The following FAM184B variants were observed in gnomAD, a reference collection of about 807,000 sequenced individuals.
FAM184B encodes the protein family with sequence similarity 184 member B, also known as protein FAM184B.
FAM184B carries 111 observed loss-of-function variants against 135.9 expected under a neutral mutation model. The ratio of observed to expected loss-of-function variants is 0.82; its 90% CI spans 0.70 to 0.96. The LOEUF (loss-of-function observed/expected upper bound fraction) is 0.96, where lower values mean the gene tolerates loss of function less well. Among genes scored for constraint, FAM184B ranks in the 40% least tolerant of loss-of-function variants. The pLI is 0.00. For missense variants in FAM184B, 1,375 were observed against 1,323.9 expected (o/e 1.04, Z -0.60); for synonymous variants, 552 against 524.8 (o/e 1.05, Z -0.71).
chr4:17,657,758 G>T (rs953622508), intron 10 of FAM184B, among the ~76,000 whole-genome samples: 1 of 147,674 alleles, frequency 6.8e-6, no homozygotes, highest in Non-Finnish European at 1.5e-5. Flanking sequence ...CCAGGTTCAA[G>T]CAATTTTCCT....
At chr4:17,711,349 G>A (rs1048545118) in intron 1 of FAM184B, among the ~76,000 whole-genome samples, 1 of 151,964 alleles carries the variant, frequency 6.6e-6, no homozygotes, top group Non-Finnish European at 1.5e-5. Flanking sequence ...CGTGGGGTGG[G>A]TGCCTGTACT....
At chr4:17,669,563 A>C (rs910545147) in intron 7 of FAM184B, among the ~76,000 whole-genome samples, 2 of 152,236 alleles carry the variant, frequency 1.3e-5, no homozygotes, top group African/African-American at 4.8e-5. Context: ...TTGGCAAAAC[A>C]ATTCTAATAA....
intron 1 of FAM184B, among the ~76,000 whole-genome samples, chr4:17,714,111 T>G (rs933776518): frequency 6.6e-6 from 1 of 152,270 alleles, no homozygotes; most frequent in East Asian, 1.9e-4. Context: ...CAGCACTTGG[T>G]ATACAGTTGA....
intron 11 of FAM184B, among the ~76,000 whole-genome samples, chr4:17,652,151 G>A (rs1715638243): frequency 3.8e-5 from 1 of 26,070 alleles, no homozygotes; most frequent in Non-Finnish European, 8.0e-5. Context: ...TTTTTTTTGA[G>A]TCTTGCACTG....
At chr4:17,634,365 C>G (rs1715060622) in intron 16 of FAM184B, among the ~76,000 whole-genome samples, 1 of 152,072 alleles carries the variant, frequency 6.6e-6, no homozygotes, top group Admixed American at 6.6e-5. Flanking sequence ...GCTCTGTCAC[C>G]CAAGCTGGAG....
At position 17,688,516 on chromosome 4, in the gene FAM184B, C is replaced by T; in HGVS notation, c.1504G>A (p.Glu502Lys). The change falls in exon 7 of 18, where the codon GAA (glutamate) becomes AAA (lysine). Residue 502 changes from glutamate to lysine, a missense_variant. Glu to Lys is a moderately conservative substitution (Grantham distance 56). Coordinates refer to ENST00000265018, the MANE Select transcript of FAM184B (RefSeq NM_015688.2). ...NSLLEVLRLE[E>K]FIQQNKTRPT... The stretch of plus-strand genomic sequence containing the variant: ...CGTGTCTTATTTTGTTGGATAAATT[C>T]TTCCAGCCTTAAAACCTAAAACAGG... 1 of 1,549,732 alleles carries T rather than the reference C, an allele frequency of 6.5e-7. No individual in the cohort carries two copies. Among genetic ancestry groups the T allele is most frequent in the Non-Finnish European group, 8.7e-7 (1 of 1,146,582 alleles).
At chr4:17,770,146 G>C (rs990440250) in intron 1 of FAM184B, among the ~76,000 whole-genome samples, 13 of 152,214 alleles carry the variant, frequency 8.5e-5, no homozygotes, top group Admixed American at 6.5e-5. Context: ...TTATTATAAG[G>C]TGAATACATT....
intron 11 of FAM184B, among the ~76,000 whole-genome samples, chr4:17,649,749 G>C (rs1367061119): frequency 6.6e-6 from 1 of 151,610 alleles, no homozygotes; most frequent in Non-Finnish European, 1.5e-5. Context: ...ATAAATTATA[G>C]GGTATTCATT....
chr4:17,709,690 T>C, intron 1 of FAM184B, 46 bp from the exon 2 acceptor site: 1 of 1,440,032 alleles, frequency 6.9e-7, no homozygotes, highest in Non-Finnish European at 9.1e-7. Flanking sequence ...GGGGCTGGGG[T>C]GTGGGAGGGC....
At chr4:17,735,789 T>G (rs186020716) in intron 1 of FAM184B, among the ~76,000 whole-genome samples, 2 of 152,290 alleles carry the variant, frequency 1.3e-5, no homozygotes, top group East Asian at 3.9e-4. Context: ...CAAATGACAT[T>G]ACAACCGGAA....
chr4:17,748,103 G>GAAAAAAAAAAAA (rs58795222), intron 1 of FAM184B, among the ~76,000 whole-genome samples: 7 of 70,316 alleles, frequency 1.0e-4, no homozygotes, highest in Non-Finnish European at 1.3e-4. Context: ...GACTCCGTCT[G>GAAAAAAAAAAAA]AAAAAAAAAA....
At chr4:17,653,030 G>T (rs41268403) in intron 10 of FAM184B, 47 bp from the exon 11 acceptor site, 26,063 of 1,535,726 alleles carry the variant, frequency 0.017, 242 homozygotes, top group Non-Finnish European at 0.02. Flanking sequence ...GGGCATGAGG[G>T]TGGGAGACCT....
chr4:17,735,002 TA>T (rs1343243827), intron 1 of FAM184B, among the ~76,000 whole-genome samples: 1 of 152,060 alleles, frequency 6.6e-6, no homozygotes. Flanking sequence ...TATGCAGCCA[TA>T]AAAAATAAAG....
intron 1 of FAM184B, among the ~76,000 whole-genome samples, chr4:17,773,178 C>T (rs1330550311): frequency 1.3e-5 from 2 of 152,030 alleles, no homozygotes; most frequent in Non-Finnish European, 2.9e-5. Context: ...TCAGATTCCC[C>T]CCTTCTCAAT....
intron 5 of FAM184B, among the ~76,000 whole-genome samples, chr4:17,695,469 C>T (rs953302471): frequency 6.6e-6 from 1 of 152,214 alleles, no homozygotes; most frequent in African/African-American, 2.4e-5. Flanking sequence ...CCCAGCTTCA[C>T]TACGGCTTCC....
At position 17,781,549 on chromosome 4, in the gene FAM184B, G is replaced by A. The variant is rs1461383667; in HGVS notation, c.-250C>T. 4.8e-6 allele frequency: 2 copies of A among 412,374 alleles called. No homozygotes were observed. The highest frequency in any genetic ancestry group is 2.1e-5 in the African/African-American group (1 of 47,680). 25.5% of individuals were successfully genotyped at this position (412,374 alleles called of 1,614,324 possible). A position where few individuals can be genotyped will look rare whatever the true frequency, so the allele number is the denominator to read the frequency against. On this transcript the variant is annotated 5_prime_UTR_variant, in exon 1 of 18. Coordinates refer to ENST00000265018, the MANE Select transcript of FAM184B (RefSeq NM_015688.2). The surrounding 1 kb of genome is among the most constrained non-coding windows in gnomAD (Gnocchi z 6.5). ...GGCTCCGCGGGCACCCGCACCCTGC[G>A]GCGAGGCGTCGGCGCCCCGCACGTG... is the stretch of plus-strand genomic sequence containing the variant.
chr4:17,769,566 G>T (rs1718767830), intron 1 of FAM184B, among the ~76,000 whole-genome samples: 1 of 152,104 alleles, frequency 6.6e-6, no homozygotes. Flanking sequence ...ATATTAGCTT[G>T]GGAGGGAGTG....
At chr4:17,649,111 T>C (rs1266597456) in intron 11 of FAM184B, among the ~76,000 whole-genome samples, 1 of 152,226 alleles carries the variant, frequency 6.6e-6, no homozygotes, top group Non-Finnish European at 1.5e-5. Flanking sequence ...GCACAGGTTT[T>C]AGTACAGAGC....
intron 1 of FAM184B, among the ~76,000 whole-genome samples, chr4:17,763,002 CAT>C (rs1247408100): frequency 2.0e-5 from 3 of 152,212 alleles, no homozygotes; most frequent in Admixed American, 2.0e-4. Flanking sequence ...CTACTACACA[CAT>C]GTTCCTGACT....
Sources: gnomAD v4.1 joint callset for allele counts (sites outside exome capture counted in the v4.1 genomes callset) on GRCh38, gnomAD v4.1.1 for gene constraint, Gnocchi (gnomAD v3.1) non-coding constraint, MANE v1.5 for transcripts, NCBI Gene and HGNC (gene_info 2026-07-23, HGNC 2026-07-21) for gene names.